GHRHR: variants seen among roughly 807,000 people sequenced by gnomAD.
The protein encoded by GHRHR is growth hormone releasing hormone receptor, also known as growth hormone-releasing hormone receptor.
In GHRHR, 40 loss-of-function variants were observed where a neutral mutation model predicts 58.3. The observed-to-expected ratio is 0.69, with a 90% CI of 0.53 to 0.89. The LOEUF (loss-of-function observed/expected upper bound fraction) is 0.89, where lower values mean the gene tolerates loss of function less well. Ranked by LOEUF, GHRHR falls within the 40% of genes least tolerant of loss-of-function variation. The pLI, the probability that GHRHR is intolerant of heterozygous loss-of-function variation, is 0.00. For missense variants in GHRHR, 551 were observed against 541.3 expected, an observed-to-expected ratio of 1.02 and a Z score of -0.18; for synonymous variants, 249 against 216.6, an observed-to-expected ratio of 1.15 and a Z score of -1.31.
At chr7:30,965,476 A>G (rs1397646595) in intron 1 of GHRHR, among the ~76,000 whole-genome samples, 3 of 152,138 alleles carry the variant, frequency 2.0e-5, no homozygotes, top group South Asian at 4.1e-4. Context: ...ATTCAGCAGG[A>G]GCATTTGGAT....
intron 6 of GHRHR, among the ~76,000 whole-genome samples, chr7:30,972,722 A>T (rs1792503007): frequency 6.6e-6 from 1 of 152,188 alleles, no homozygotes; most frequent in African/African-American, 2.4e-5. Context: ...AGACAATAAG[A>T]GGCAATTGAA....
intron 6 of GHRHR, 107 bp from the exon 7 acceptor site, chr7:30,973,878 C>A: frequency 8.7e-7 from 1 of 1,152,216 alleles, no homozygotes; most frequent in Non-Finnish European, 1.3e-6. Context: ...AGGTCCCAGC[C>A]TAACATGGAG....
rs540147706 is a variant in GHRHR at position 30,967,020 on chromosome 7, T to C, written c.58-1814T>C. 5.3e-4 allele frequency among the ~76,000 whole-genome samples: 81 copies of C among 151,946 alleles called. 1 individual carries two copies. Among genetic ancestry groups the C allele is most frequent in the African/African-American group, 1.9e-3 (77 of 41,400 alleles). On this transcript the variant is annotated intron_variant, in intron 1 of 12. Coordinates refer to ENST00000326139, the MANE Select transcript of GHRHR (RefSeq NM_000823.4). ...CTCCCTTCCCCAGCCCCTCCTCTCC[T>C]GTGAAAGCCTGGGGGAACAGACATC... is the stretch of plus-strand genomic sequence containing the variant.
At chr7:30,972,520 C>G (rs1431081459) in intron 6 of GHRHR, among the ~76,000 whole-genome samples, 1 of 152,114 alleles carries the variant, frequency 6.6e-6, no homozygotes, top group Non-Finnish European at 1.5e-5. Flanking sequence ...GTGGAGGAAG[C>G]TGAGAGCTAG....
intron 12 of GHRHR, among the ~76,000 whole-genome samples, chr7:30,977,968 AG>A (rs1483717282): frequency 6.6e-6 from 1 of 152,218 alleles, no homozygotes; most frequent in Non-Finnish European, 1.5e-5. Flanking sequence ...TTTCCCCCTT[AG>A]GACAGTCCTG....
intron 1 of GHRHR, among the ~76,000 whole-genome samples, chr7:30,964,815 G>A (rs1183731036): frequency 6.6e-6 from 1 of 152,192 alleles, no homozygotes; most frequent in Non-Finnish European, 1.5e-5. Context: ...CTTCCTGAAT[G>A]GGCTGCAGTT....
In GHRHR at chr7:30,979,201, C is replaced by T. The variant is rs778657652; in HGVS notation, c.1229C>T (p.Thr410Met). Residue 410 changes from threonine (T) to methionine (M), a missense_variant, in exon 13 of 13, where the codon ACG becomes ATG. Physicochemically the swap from Thr to Met is moderately conservative, Grantham distance 81. Coordinates refer to ENST00000326139, the MANE Select transcript of GHRHR (RefSeq NM_000823.4). ...TGGAGGACCCGTGCTAAGTGGACCA[C>T]GCCTTCCCGCTCGGCGGCAAAGGTG... is the stretch of plus-strand genomic sequence containing the variant. ...PAWRTRAKWT[T>M]PSRSAAKVLT... 9.3e-6 allele frequency: 15 copies of T among 1,613,902 alleles called. No individual in the cohort carries two copies. Among genetic ancestry groups the T allele is most frequent in the Admixed American group, 1.7e-5 (1 of 60,008 alleles).
At chr7:30,974,769 T>C (rs1181261841) in intron 8 of GHRHR, among the ~76,000 whole-genome samples, 3 of 152,064 alleles carry the variant, frequency 2.0e-5, no homozygotes, top group Non-Finnish European at 4.4e-5. Context: ...CAGAAACGTT[T>C]GTCCATCTAG....
intron 7 of GHRHR, 65 bp from the exon 8 acceptor site, chr7:30,974,364 T>C: frequency 8.0e-7 from 1 of 1,251,432 alleles, no homozygotes; most frequent in Non-Finnish European, 1.2e-6. Context: ...TGGTGGGAGG[T>C]GGCGCCAGAT....
chr7:30,964,401 G>T (rs1792297762), intron 1 of GHRHR, among the ~76,000 whole-genome samples: 1 of 20,016 alleles, frequency 5.0e-5, no homozygotes, highest in African/African-American at 2.3e-4. Context: ...GCTTCCCCCA[G>T]GGCCTGGCTG....
chr7:30,971,052 TTGTC>T, intron 4 of GHRHR, 63 bp from the exon 5 acceptor site: 1 of 756,644 alleles, frequency 1.3e-6, no homozygotes, highest in Non-Finnish European at 2.4e-6. Context: ...ACCTGCTTGA[TTGTC>T]AAGCCTCTCT....
intron 1 of GHRHR, 113 bp downstream of exon 1, chr7:30,964,238 C>T (rs560653637): frequency 1.0e-6 from 1 of 958,472 alleles, no homozygotes; most frequent in Admixed American, 2.0e-5. Flanking sequence ...GCTCTAGAGT[C>T]CCTCCCTACG....
At chr7:30,965,909 C>T (rs561909456) in intron 1 of GHRHR, among the ~76,000 whole-genome samples, 1 of 152,330 alleles carries the variant, frequency 6.6e-6, no homozygotes, top group South Asian at 2.1e-4. Context: ...CGCAACGGGG[C>T]TCTGCCCTGA....
In GHRHR at chr7:30,969,089, C is replaced by G. The variant is rs1792424439; in HGVS notation, c.187C>G (p.Leu63Val). 1 of 1,581,380 alleles carries G rather than the reference C, an allele frequency of 6.3e-7. No individual in the cohort carries two copies. Among genetic ancestry groups the G allele is most frequent in the Non-Finnish European group, 8.6e-7 (1 of 1,163,384 alleles). Residue 63 changes from leucine to valine, a missense_variant, in exon 3 of 13, where the codon CTG becomes GTG. Physicochemically the swap from Leu to Val is conservative, Grantham distance 32. Coordinates refer to ENST00000326139, the MANE Select transcript of GHRHR (RefSeq NM_000823.4). ...CTGCCCTGCGACCTGGGATGGGCTG[C>G]TGTGCTGGCCAACGGCAGGCTCTGG... is the stretch of plus-strand genomic sequence containing the variant. ...LGCPATWDGLLCWPTAGSGEW... is the reference protein window; with the variant it reads ...LGCPATWDGLVCWPTAGSGEW...
At chr7:30,967,777 C>T (rs1031967501) in intron 1 of GHRHR, among the ~76,000 whole-genome samples, 41 of 152,128 alleles carry the variant, frequency 2.7e-4, no homozygotes, top group Non-Finnish European at 7.3e-5. Flanking sequence ...TGTGCTCATT[C>T]ATTCATCCAT....
At chr7:30,975,502 C>T (rs969977747) in intron 9 of GHRHR, among the ~76,000 whole-genome samples, 3 of 152,184 alleles carry the variant, frequency 2.0e-5, no homozygotes, top group African/African-American at 7.2e-5. Flanking sequence ...TAGAGAAGAG[C>T]CTGGGAGGTG....
chr7:30,970,927 A>C, intron 4 of GHRHR, 192 bp from the exon 5 acceptor site: 2 of 651,878 alleles, frequency 3.1e-6, no homozygotes, highest in South Asian at 3.4e-5. Flanking sequence ...CCCGCAGGTC[A>C]GGTGGAAGGC....
Position 30,979,161 on chromosome 7 carries a change from GAGCTTCTGCC to G in GHRHR, c.1193_1202del (p.Leu398ProfsTer19), listed in dbSNP as rs778207215. ...ACGGAAGTGGCATGGCCATGACCCT[GAGCTTCTGCC>G]AGCCTGGAGGACCCGTGCTAAGTGG... On this transcript the variant is annotated frameshift_variant, in exon 13 of 13. Transcript: ENST00000326139. LOFTEE classifies it high-confidence loss of function. 4 of 1,613,864 alleles carry G rather than the reference GAGCTTCTGCC, an allele frequency of 2.5e-6. No individual in the cohort carries two copies. The South Asian group carries it at 4.4e-5, about 18-fold the overall frequency.
rs2128597226 is a variant in GHRHR at position 30,969,045 on chromosome 7, T to C, written c.161-18T>C. On this transcript the variant is annotated intron_variant, in intron 2 of 12. Transcript: ENST00000326139. ...TGCACCTGGGCTGAGTCTCTGCTGC[T>C]CCTGGCTCTCTATCCAGGCTGCCCT... The C allele has an allele frequency of 5.1e-6, 8 of 1,568,126 alleles. No homozygotes were observed. The highest frequency in any genetic ancestry group is 2.3e-5 in the East Asian group (1 of 43,322).
Sources: allele counts gnomAD v4.1 joint callset (sites outside exome capture counted in the v4.1 genomes callset), GRCh38; gene constraint gnomAD v4.1.1; transcripts MANE v1.5; gene names NCBI Gene and HGNC (gene_info 2026-07-23, HGNC 2026-07-21).